Variants in AKR1C8 observed in about 807,000 individuals in gnomAD.
AKR1C8 encodes the protein aldo-keto reductase family 1 member C-like protein 1.
chr10:5,127,722 CAAAAAAAAAAAAAAAAA>C, the AKR1C8 span, among the ~76,000 whole-genome samples: 1 of 79,660 alleles, frequency 1.3e-5, no homozygotes, highest in Non-Finnish European at 2.3e-5. Flanking sequence ...AAGACTCTGT[CAAAAAAAAAAAAAAAAA>C]AAAAAAAAAA....
the AKR1C8 span, among the ~76,000 whole-genome samples, chr10:5,117,745 G>A: frequency 6.6e-6 from 1 of 152,268 alleles, no homozygotes; most frequent in African/African-American, 2.4e-5. Flanking sequence ...CATGTTCCGA[G>A]TTCACAGAGT....
At chr10:5,124,224 T>A in the AKR1C8 span, among the ~76,000 whole-genome samples, 131 of 152,304 alleles carry the variant, frequency 8.6e-4, no homozygotes, top group African/African-American at 3.0e-3. Flanking sequence ...ATAGGAATAT[T>A]ACTAGTAATG....
chr10:5,139,671 A>T, the AKR1C8 span, among the ~76,000 whole-genome samples: 1 of 152,200 alleles, frequency 6.6e-6, no homozygotes, highest in African/African-American at 2.4e-5. Flanking sequence ...TAAAGACTTA[A>T]ATGTTAGACC....
At chr10:5,145,114 A>C in the AKR1C8 span, among the ~76,000 whole-genome samples, 1 of 152,216 alleles carries the variant, frequency 6.6e-6, no homozygotes, top group East Asian at 1.9e-4. Flanking sequence ...CCTTTTCTGC[A>C]TCTATTGAGA....
the AKR1C8 span, among the ~76,000 whole-genome samples, chr10:5,115,843 C>T: frequency 6.6e-6 from 1 of 151,986 alleles, no homozygotes; most frequent in Non-Finnish European, 1.5e-5. Context: ...TATATACATG[C>T]ACAAATATGG....
At chr10:5,133,290 G>T in the AKR1C8 span, among the ~76,000 whole-genome samples, 2 of 151,982 alleles carry the variant, frequency 1.3e-5, no homozygotes, top group South Asian at 4.1e-4. Flanking sequence ...TAGGTACGGG[G>T]TTTCGCTATG....
chr10:5,155,942 G>T, the AKR1C8 span, among the ~76,000 whole-genome samples: 5 of 152,168 alleles, frequency 3.3e-5, no homozygotes, highest in South Asian at 1.0e-3. Context: ...CCTTCATTCT[G>T]CCTCTTCTCC....
At chr10:5,172,903 G>A in the AKR1C8 span, among the ~76,000 whole-genome samples, 184 of 152,170 alleles carry the variant, frequency 1.2e-3, 1 homozygote, top group African/African-American at 4.3e-3. Flanking sequence ...ATTTACATCT[G>A]CTAATTTCCT....
At chr10:5,129,167 G>A in the AKR1C8 span, among the ~76,000 whole-genome samples, 1 of 152,012 alleles carries the variant, frequency 6.6e-6, no homozygotes, top group Admixed American at 6.6e-5. Flanking sequence ...TAAATAATCT[G>A]CTCTTGAATG....
chr10:5,134,285 G>T, the AKR1C8 span, among the ~76,000 whole-genome samples: 1 of 152,046 alleles, frequency 6.6e-6, no homozygotes, highest in African/African-American at 2.4e-5. Flanking sequence ...AAAGTAAACC[G>T]CTAGTGTTGA....
chr10:5,135,954 C>T, the AKR1C8 span, among the ~76,000 whole-genome samples: 1 of 151,714 alleles, frequency 6.6e-6, no homozygotes, highest in Non-Finnish European at 1.5e-5. Context: ...GACAAGGGTT[C>T]AAAGGAAAAA....
chr10:5,162,020 G>A, the AKR1C8 span: 1 of 512,474 alleles, frequency 2.0e-6, no homozygotes, highest in South Asian at 1.5e-5. Context: ...TCACACATTT[G>A]AGGACAAAAA....
the AKR1C8 span, chr10:5,122,174 G>A: frequency 2.6e-6 from 1 of 385,962 alleles, no homozygotes; most frequent in South Asian, 2.1e-5. Context: ...AAACCTGAAA[G>A]GCAGGCGATA....
the AKR1C8 span, among the ~76,000 whole-genome samples, chr10:5,181,145 T>A: frequency 1.3e-5 from 2 of 152,188 alleles, no homozygotes; most frequent in Non-Finnish European, 2.9e-5. Flanking sequence ...ACCCCAAGGT[T>A]TTCTTAAGAA....
chr10:5,181,326 C>G, the AKR1C8 span, among the ~76,000 whole-genome samples: 1 of 152,096 alleles, frequency 6.6e-6, no homozygotes, highest in African/African-American at 2.4e-5. Context: ...TTCTTTTGAA[C>G]AAGATTTTCA....
the AKR1C8 span, among the ~76,000 whole-genome samples, chr10:5,137,319 T>A: frequency 2.0e-5 from 3 of 151,934 alleles, no homozygotes; most frequent in Admixed American, 2.0e-4. Context: ...TAGACCAATA[T>A]CCCTGATGAG....
chr10:5,176,811 T>C, the AKR1C8 span, among the ~76,000 whole-genome samples: 1 of 152,176 alleles, frequency 6.6e-6, no homozygotes, highest in African/African-American at 2.4e-5. Context: ...ATGCTTGTGA[T>C]TTTTGTACAT....
chr10:5,172,834 G>A, the AKR1C8 span, among the ~76,000 whole-genome samples: 1 of 151,952 alleles, frequency 6.6e-6, no homozygotes, highest in African/African-American at 2.4e-5. Context: ...AATAGACATT[G>A]CACACATAAC....
the AKR1C8 span, among the ~76,000 whole-genome samples, chr10:5,139,146 A>G: frequency 6.6e-6 from 1 of 152,336 alleles, no homozygotes; most frequent in East Asian, 1.9e-4. Flanking sequence ...CTGCTCAATG[A>G]AATAAAAGAG....
Sources: gnomAD v4.1 joint callset for allele counts (sites outside exome capture counted in the v4.1 genomes callset) on GRCh38, gnomAD v4.1.1 for gene constraint, MANE v1.5 for transcripts, NCBI Gene and HGNC (gene_info 2026-07-23, HGNC 2026-07-21) for gene names.